Variants in CEBPZ observed in about 807,000 individuals in gnomAD.
CEBPZ encodes the protein CCAAT/enhancer-binding protein zeta.
Under a neutral mutation model 104.5 loss-of-function variants are expected in CEBPZ, and 78 were observed. The ratio of observed to expected loss-of-function variants is 0.75; its 90% CI spans 0.62 to 0.90. The LOEUF is 0.90. Ranked by LOEUF, CEBPZ falls within the 40% of genes least tolerant of loss-of-function variation. The probability of loss-of-function intolerance (pLI) is 0.00; values close to 1 mark genes in which losing one functional copy is unlikely to be tolerated. For synonymous variants in CEBPZ, 470 were observed against 427.0 expected, an observed-to-expected ratio of 1.10 and a Z score of -1.24; for missense variants, 1,439 against 1,233.5, an observed-to-expected ratio of 1.17 and a Z score of -2.50.
At chr2:37,220,612 G>A (rs1664749067) in intron 4 of CEBPZ, 139 bp from the exon 5 acceptor site, 2 of 443,266 alleles carry the variant, frequency 4.5e-6, no homozygotes, top group Non-Finnish European at 8.3e-6. Context: ...TAAAAACTCT[G>A]AGCTCCCTCA....
rs1401728175 is a variant in CEBPZ, at chr2:37,213,923, C to T, written c.2486G>A (p.Arg829Gln). The part of the protein sequence containing the change: ...KKVAVKEKQK[R>Q]DADEESIEDV... Reference sequence around the variant, plus strand: ...TTCTATACTTTCTTCATCTGCATCCCGTTTTTGTTTCTCTTTAACAGCAAC... The same window carrying T: ...TTCTATACTTTCTTCATCTGCATCCTGTTTTTGTTTCTCTTTAACAGCAAC... The change falls in exon 10 of 16, where the codon CGG becomes CAG. Residue 829 changes from arginine to glutamine, a missense_variant. Coordinates refer to ENST00000234170, the MANE Select transcript of CEBPZ (RefSeq NM_005760.3). The T allele has an allele frequency of 1.0e-5, 16 of 1,590,600 alleles. No homozygotes were observed. Among genetic ancestry groups the T allele is most frequent in the African/African-American group, 4.1e-5 (3 of 73,030 alleles).
chr2:37,228,296 T>G lies in CEBPZ; in HGVS notation c.897A>C (p.Pro299=). ...FKELLITDLL[P]DNRKLRIFSQ... ...TGAAAATCCTCAGCTTCCGATTGTCTGGCAAAAGGTCTGTGATAAGCAACT... is the reference window on the plus strand; with the variant it reads ...TGAAAATCCTCAGCTTCCGATTGTCGGGCAAAAGGTCTGTGATAAGCAACT... Residue 299 remains proline (P), a synonymous_variant, in exon 2 of 16, where the codon CCA becomes CCC. Transcript: ENST00000234170. 1.2e-6 allele frequency: 2 copies of G among 1,614,214 alleles called. No homozygotes were observed. Among genetic ancestry groups the G allele is most frequent in the South Asian group, 1.1e-5 (1 of 91,080 alleles).
At chr2:37,220,635 G>C (rs967758236) in intron 4 of CEBPZ, among the ~76,000 whole-genome samples, 162 bp from the exon 5 acceptor site, 1 of 152,108 alleles carries the variant, frequency 6.6e-6, no homozygotes, top group African/African-American at 2.4e-5. Flanking sequence ...AATTTGTCTT[G>C]GTACTTAAGC....
In CEBPZ at chr2:37,228,471, G is replaced by A. The variant is rs774737464; in HGVS notation, c.722C>T (p.Ser241Leu). Residue 241 changes from serine to leucine, a missense_variant, in exon 2 of 16, where the codon TCG (serine) becomes TTG (leucine). Ser to Leu is a moderately radical substitution (Grantham distance 145). Coordinates refer to ENST00000234170, the MANE Select transcript of CEBPZ (RefSeq NM_005760.3). ...TGCCATCCTGTCACCTAGTGTCCCCGATGACACAATTGCCTTCATCCAGGT... is the reference window on the plus strand; with the variant it reads ...TGCCATCCTGTCACCTAGTGTCCCCAATGACACAATTGCCTTCATCCAGGT... ...SSTWMKAIVS[S>L]GTLGDRMAAM... is the part of the protein sequence containing the mutation. 2.1e-5 allele frequency: 34 copies of A among 1,614,052 alleles called. No individual in the cohort carries two copies. The highest frequency in any genetic ancestry group is 1.6e-4 in the Middle Eastern group (1 of 6,084).
intron 10 of CEBPZ, 97 bp downstream of exon 10, chr2:37,213,767 A>G (rs530277081): frequency 1.2e-4 from 91 of 789,004 alleles, no homozygotes; most frequent in Admixed American, 3.3e-4. Context: ...TAGCTAAGTG[A>G]TTTTTTAAAA....
Position 37,216,368 on chromosome 2 carries a change from C to T in CEBPZ, c.2259G>A (p.Met753Ile). ...GGTATACAAATCGATCCAAAAATCT[C>T]ATTAGAGTGAAATCCTGCAGTGGGT... ...SGDPLQDFTL[M>I]RFLDRFVYRN... Residue 753 changes from methionine to isoleucine, a missense_variant, in exon 7 of 16, where the codon ATG (methionine) becomes ATA (isoleucine). Physicochemically the swap from Met to Ile is conservative, Grantham distance 10. Transcript: ENST00000234170. The T allele has an allele frequency of 6.2e-7, 1 of 1,613,860 alleles. No homozygotes were observed. Among genetic ancestry groups the T allele is most frequent in the Non-Finnish European group, 8.5e-7 (1 of 1,179,928 alleles).
Position 37,222,556 on chromosome 2 carries a change from T to C in CEBPZ, c.1889A>G (p.Asp630Gly), listed in dbSNP as rs3180251. The C allele has an allele frequency of 1.9e-6, 3 of 1,582,242 alleles. No homozygotes were observed. In the South Asian group the frequency reaches 3.6e-5, roughly 19 times the overall value. Residue 630 changes from aspartate (D) to glycine (G), a missense_variant, in exon 4 of 16, where the codon GAT becomes GGT. By Grantham distance (94) the Asp-to-Gly change is moderately conservative. Coordinates refer to ENST00000234170, the MANE Select transcript of CEBPZ (RefSeq NM_005760.3). ...RSQLDDHPESDDEENFIDAND... is the reference protein window; with the variant it reads ...RSQLDDHPESGDEENFIDAND... The stretch of plus-strand genomic sequence containing the variant: ...TGCATCAATAAAATTTTCTTCATCA[T>C]CAGACTCCTAACAAAAGTATAGTTT...
In CEBPZ at chr2:37,228,064, G is replaced by T. The variant is rs377273449; in HGVS notation, c.1129C>A (p.Pro377Thr). ...TVAHELLCNK[P>T]EEEKALLVQV... ...ACAAGAAGAGCCTTTTCTTCCTCAG[G>T]CTTGTTACAAAGCAGCTCATGAGCC... The change falls in exon 2 of 16, where the codon CCT becomes ACT. Residue 377 changes from proline to threonine, a missense_variant. Transcript: ENST00000234170. The T allele has an allele frequency of 1.2e-6, 2 of 1,614,158 alleles. No homozygotes were observed. The highest frequency in any genetic ancestry group is 2.7e-5 in the African/African-American group (2 of 75,040).
intron 8 of CEBPZ, 116 bp downstream of exon 8, chr2:37,216,024 T>A: frequency 1.4e-6 from 1 of 697,090 alleles, no homozygotes; most frequent in South Asian, 2.6e-5. Context: ...AAAAGATGGA[T>A]AATGTCTTTG....
At position 37,201,682 on chromosome 2, in the gene CEBPZ, CAGAG is replaced by C. The variant is rs1177553419; in HGVS notation, c.*78_*81del. 8.2e-6 allele frequency: 7 copies of C among 850,908 alleles called. No homozygotes were observed. Among genetic ancestry groups the C allele is most frequent in the Non-Finnish European group, 1.4e-5 (7 of 507,206 alleles). 52.7% of individuals were successfully genotyped at this position (850,908 alleles called of 1,614,324 possible). A position where few individuals can be genotyped will look rare whatever the true frequency, so the allele number is the denominator to read the frequency against. ...CTGAGAAGTCTGGAATGTATGGAAT[CAGAG>C]AGCTAGATCAAAAAACATGGTTGAA... On this transcript the variant is annotated 3_prime_UTR_variant, in exon 16 of 16. Coordinates refer to ENST00000234170, the MANE Select transcript of CEBPZ (RefSeq NM_005760.3).
At chr2:37,204,842 T>C (rs1677476526) in intron 13 of CEBPZ, 1 of 152,238 alleles carries the variant, frequency 6.6e-6, no homozygotes, top group African/African-American at 2.4e-5. Context: ...GGCTAATGTC[T>C]TCTGAAACAG....
chr2:37,208,532 A>G (rs568144749), intron 13 of CEBPZ, among the ~76,000 whole-genome samples: 1 of 152,288 alleles, frequency 6.6e-6, no homozygotes, highest in East Asian at 1.9e-4. Context: ...AAACAATTAA[A>G]AACAAAAATC....
chr2:37,204,875 T>C (rs1677478044), intron 13 of CEBPZ: 1 of 152,188 alleles, frequency 6.6e-6, no homozygotes, highest in Non-Finnish European at 1.5e-5. Context: ...TGAAACAAGC[T>C]CAGAGCATCT....
rs778621833 is a variant in CEBPZ, at chr2:37,213,965, T to C, written c.2448-4A>G. Reference sequence around the variant, plus strand: ...AACAGCAACTTTTTTATAATACCTATAATATTCATGTTATATATTTGACAA... The same window carrying C: ...AACAGCAACTTTTTTATAATACCTACAATATTCATGTTATATATTTGACAA... On this transcript the variant is annotated splice_region_variant and splice_polypyrimidine_tract_variant and intron_variant, in intron 9 of 15. Transcript: ENST00000234170. 8.3e-6 allele frequency: 12 copies of C among 1,453,866 alleles called. No individual in the cohort carries two copies. In the East Asian group the frequency reaches 1.7e-4, roughly 21 times the overall value. The allele number at this position is 1,453,866 out of a possible 1,614,324, so 90.1% of individuals were successfully genotyped here.
chr2:37,202,774 A>G lies in CEBPZ; in HGVS notation c.3025+10T>C. The G allele has an allele frequency of 1.3e-6, 2 of 1,509,628 alleles. No individual in the cohort carries two copies. Among genetic ancestry groups the G allele is most frequent in the Non-Finnish European group, 1.8e-6 (2 of 1,121,868 alleles). 93.5% of individuals were successfully genotyped at this position (1,509,628 alleles called of 1,614,324 possible). A position where few individuals can be genotyped will look rare whatever the true frequency, so the allele number is the denominator to read the frequency against. On this transcript the variant is annotated intron_variant, in intron 15 of 15. Coordinates refer to ENST00000234170, the MANE Select transcript of CEBPZ (RefSeq NM_005760.3). Reference sequence around the variant, plus strand: ...TTTAAAACATCAATAAAAAAATTTAAGTTACTTACTTGCATTATCTTTGTT... The same window carrying G: ...TTTAAAACATCAATAAAAAAATTTAGGTTACTTACTTGCATTATCTTTGTT...
In CEBPZ at chr2:37,220,484, C is replaced by CAA. The variant is rs35462755; in HGVS notation, c.2066-13_2066-12dup. 2.1e-4 allele frequency: 299 copies of CAA among 1,415,956 alleles called. No individual in the cohort carries two copies. The East Asian group carries it at 4.4e-3, about 21-fold the overall frequency. The allele number at this position is 1,415,956 out of a possible 1,614,324, so 87.7% of individuals were successfully genotyped here. A position where few individuals can be genotyped will look rare whatever the true frequency, so the allele number is the denominator to read the frequency against. On this transcript the variant is annotated splice_polypyrimidine_tract_variant and intron_variant, in intron 4 of 15. Coordinates refer to ENST00000234170, the MANE Select transcript of CEBPZ (RefSeq NM_005760.3). Reference sequence around the variant, plus strand: ...TTAACTGTTTCCCACCTAGGAATAACAAAAAAAATACGATTTCTCAAATGC... The same window carrying CAA: ...TTAACTGTTTCCCACCTAGGAATAACAAAAAAAAAATACGATTTCTCAAATGC...
intron 3 of CEBPZ, 112 bp from the exon 4 acceptor site, chr2:37,222,675 G>T: frequency 3.0e-6 from 2 of 677,302 alleles, no homozygotes; most frequent in Non-Finnish European, 4.6e-6. Context: ...GGTGAAACGT[G>T]AAAGTTCTAA....
In CEBPZ at chr2:37,217,033, G is replaced by C. The variant is rs1251084256; in HGVS notation, c.2159C>G (p.Ser720Cys). 4 of 1,611,546 alleles carry C rather than the reference G, an allele frequency of 2.5e-6. No homozygotes were observed. In the East Asian group the frequency reaches 8.9e-5, roughly 36 times the overall value. The change falls in exon 6 of 16, where the codon TCT (serine) becomes TGT (cysteine). Residue 720 changes from serine to cysteine, a missense_variant. Ser to Cys is a moderately radical substitution (Grantham distance 112). Coordinates refer to ENST00000234170, the MANE Select transcript of CEBPZ (RefSeq NM_005760.3). ...NTSLWELKKL[S>C]VHFHPSVALF... is the part of the protein sequence containing the mutation. Reference sequence around the variant, plus strand: ...GGCCACGGAGGGATGAAAATGCACAGATAACTAAAAAGAAAAATGTGAATA... The same window carrying C: ...GGCCACGGAGGGATGAAAATGCACACATAACTAAAAAGAAAAATGTGAATA...
At chr2:37,204,338 C>T (rs868553240) in intron 13 of CEBPZ, 4 of 139,340 alleles carry the variant, frequency 2.9e-5, no homozygotes, top group South Asian at 2.4e-4. Context: ...AGTACAGGGG[C>T]GTGATCTCGG....
Sources: allele counts gnomAD v4.1 joint callset (sites outside exome capture counted in the v4.1 genomes callset), GRCh38; gene constraint gnomAD v4.1.1; transcripts MANE v1.5; gene names NCBI Gene and HGNC (gene_info 2026-07-23, HGNC 2026-07-21).